NRCAM: variants seen among roughly 807,000 people sequenced by gnomAD.
NRCAM encodes NgCAM-related cell adhesion molecule.
A neutral mutation model predicts 156.5 loss-of-function variants in NRCAM; 83 were observed. The observed-to-expected ratio is 0.53, with a 90% CI of 0.44 to 0.64. The LOEUF is 0.64. Ranked by LOEUF, NRCAM falls within the 30% of genes least tolerant of loss-of-function variation. The pLI, the probability that NRCAM is intolerant of heterozygous loss-of-function variation, is 0.00. For missense variants in NRCAM, 1,417 were observed against 1,597.3 expected, an observed-to-expected ratio of 0.89 and a Z score of 1.92; for synonymous variants, 538 against 563.9, an observed-to-expected ratio of 0.95 and a Z score of 0.65.
chr7:108,222,044 T>G (rs1273028164), intron 11 of NRCAM, among the ~76,000 whole-genome samples: 1 of 151,934 alleles, frequency 6.6e-6, no homozygotes, highest in African/African-American at 2.4e-5. Flanking sequence ...TCTGATGAAA[T>G]AGCTTCTAGA....
chr7:108,287,909 C>T (rs955299882), intron 3 of NRCAM, among the ~76,000 whole-genome samples: 3 of 151,976 alleles, frequency 2.0e-5, no homozygotes, highest in Non-Finnish European at 4.4e-5. Flanking sequence ...CAAAAAGACA[C>T]CTGTACTCAT....
At chr7:108,366,816 C>T (rs1336273571) in intron 2 of NRCAM, among the ~76,000 whole-genome samples, 2 of 152,204 alleles carry the variant, frequency 1.3e-5, no homozygotes, top group African/African-American at 2.4e-5. Context: ...ACTCATTTGA[C>T]TACACCATAC....
chr7:108,229,239 T>C (rs1233921738), intron 8 of NRCAM, among the ~76,000 whole-genome samples: 1 of 152,216 alleles, frequency 6.6e-6, no homozygotes, highest in Non-Finnish European at 1.5e-5. Flanking sequence ...CTAATAATTG[T>C]GTCTTTCAAA....
At chr7:108,324,194 G>T (rs1251731331) in intron 2 of NRCAM, among the ~76,000 whole-genome samples, 1 of 152,118 alleles carries the variant, frequency 6.6e-6, no homozygotes, top group Non-Finnish European at 1.5e-5. Context: ...GGCTGAAGGG[G>T]AGTGAGATTG....
intron 4 of NRCAM, among the ~76,000 whole-genome samples, 169 bp from the exon 5 acceptor site, chr7:108,237,938 A>G (rs1037399337): frequency 1.3e-5 from 2 of 152,228 alleles, no homozygotes; most frequent in African/African-American, 4.8e-5. Flanking sequence ...TTGCAAGACG[A>G]AGAAATTTGC....
At chr7:108,156,452 TATA>T (rs2045543612) in intron 32 of NRCAM, 2 of 982,362 alleles carry the variant, frequency 2.0e-6, no homozygotes, top group South Asian at 9.4e-5. Context: ...CTACTGTCTG[TATA>T]ATTAAAGAAA....
intron 1 of NRCAM, among the ~76,000 whole-genome samples, chr7:108,402,855 A>G (rs541351296): frequency 3.3e-5 from 5 of 152,338 alleles, no homozygotes; most frequent in African/African-American, 1.2e-4. Flanking sequence ...AGACAATAGT[A>G]AGACAAATTG....
At chr7:108,200,676 T>G (rs997207236) in intron 13 of NRCAM, among the ~76,000 whole-genome samples, 2 of 150,476 alleles carry the variant, frequency 1.3e-5, no homozygotes, top group African/African-American at 4.9e-5. Context: ...GCAGCACAAT[T>G]CGCAATTGCA....
chr7:108,256,495 G>A (rs1377321097), intron 3 of NRCAM, among the ~76,000 whole-genome samples: 1 of 136,634 alleles, frequency 7.3e-6, no homozygotes, highest in Non-Finnish European at 1.6e-5. Context: ...GCGGAAGGCC[G>A]CAGGGTCCTC....
At position 108,239,959 on chromosome 7, in the gene NRCAM, G is replaced by C. The variant is rs1248170598; in HGVS notation, c.106C>G (p.Pro36Ala). ...MISALEVPLD[P>A]KLLEDLVQPP... ...ACAGCTTTAAAACGTTAATACTTAC[G>C]ATCAAGAGGTACTTCCAGTGCACTA... The change falls in exon 4 of 33, where the codon CCA (proline) becomes GCA (alanine). Residue 36 changes from proline to alanine, a missense_variant and splice_region_variant. Physicochemically the swap from Pro to Ala is conservative, Grantham distance 27 (BLOSUM62 -1). Around this residue, in one of 2 missense-constraint regions of NRCAM, gnomAD observed 1,238 missense variants for 1,336.4 expected, o/e 0.93. Coordinates refer to ENST00000379028, the MANE Select transcript of NRCAM (RefSeq NM_001037132.4). 6.3e-7 allele frequency: 1 copy of C among 1,599,846 alleles called. No individual in the cohort carries two copies. Among genetic ancestry groups the C allele is most frequent in the Non-Finnish European group, 8.6e-7 (1 of 1,168,494 alleles).
At chr7:108,190,497 A>G (rs1044343688) in intron 19 of NRCAM, among the ~76,000 whole-genome samples, 1 of 152,166 alleles carries the variant, frequency 6.6e-6, no homozygotes, top group South Asian at 2.1e-4. Flanking sequence ...CTTATCAGTC[A>G]TAAAGCAGTA....
At chr7:108,230,568 G>T (rs1053091488) in intron 8 of NRCAM, among the ~76,000 whole-genome samples, 3 of 152,038 alleles carry the variant, frequency 2.0e-5, no homozygotes, top group African/African-American at 7.2e-5. Context: ...TCCTTCATTA[G>T]TTCATTAGTC....
At chr7:108,303,299 C>G (rs970550444) in intron 3 of NRCAM, among the ~76,000 whole-genome samples, 1 of 152,094 alleles carries the variant, frequency 6.6e-6, no homozygotes, top group Non-Finnish European at 1.5e-5. Context: ...GTATCACCAC[C>G]ATCTGTCCAG....
At chr7:108,393,738 A>AT (rs1352345169) in intron 2 of NRCAM, among the ~76,000 whole-genome samples, 1 of 152,050 alleles carries the variant, frequency 6.6e-6, no homozygotes, top group African/African-American at 2.4e-5. Context: ...CCCCCGTTTA[A>AT]TTTTTTATAG....
At position 108,378,676 on chromosome 7, in the gene NRCAM, C is replaced by CACAG. The variant is rs1554580238; in HGVS notation, c.-174+20759_-174+20760insCTGT. Among the ~76,000 whole-genome samples, 200 of 132,590 alleles carry CACAG rather than the reference C, an allele frequency of 1.5e-3. 4 individuals are homozygous for CACAG. Among genetic ancestry groups the CACAG allele is most frequent in the African/African-American group, 5.2e-3 (193 of 36,916 alleles). The allele number at this position is 132,590 out of a possible 152,430, so 87.0% of individuals were successfully genotyped here. On this transcript the variant is annotated intron_variant, in intron 2 of 32. Coordinates refer to ENST00000379028, the MANE Select transcript of NRCAM (RefSeq NM_001037132.4). ...ACACACACACACACACACACACACA[C>CACAG]ACACACACACACAAACTCCAAGACA...
intron 2 of NRCAM, among the ~76,000 whole-genome samples, chr7:108,388,216 A>G (rs1259410746): frequency 6.6e-6 from 1 of 152,068 alleles, no homozygotes; most frequent in African/African-American, 2.4e-5. Flanking sequence ...CCTCTCCAGC[A>G]CCTGTTGTTT....
intron 1 of NRCAM, among the ~76,000 whole-genome samples, chr7:108,425,090 T>A (rs1171717508): frequency 1.3e-5 from 2 of 152,102 alleles, no homozygotes; most frequent in Non-Finnish European, 2.9e-5. Flanking sequence ...TCATGGAAAT[T>A]TTTTGCAAGC....
chr7:108,301,856 CCT>C (rs2098625059), intron 3 of NRCAM, among the ~76,000 whole-genome samples: 1 of 151,600 alleles, frequency 6.6e-6, no homozygotes, highest in East Asian at 1.9e-4. Context: ...ATACGAATTC[CCT>C]CTGAGGCCAA....
chr7:108,271,325 C>T (rs1415367356), intron 3 of NRCAM, among the ~76,000 whole-genome samples: 1 of 152,116 alleles, frequency 6.6e-6, no homozygotes, highest in African/African-American at 2.4e-5. Context: ...TCTGCTAGGA[C>T]ACGATGGATG....
Sources: gnomAD v4.1 joint callset for allele counts (sites outside exome capture counted in the v4.1 genomes callset) on GRCh38, gnomAD v4.1.1 for gene constraint, gnomAD v4.1.1 regional missense constraint, MANE v1.5 for transcripts, NCBI Gene and HGNC (gene_info 2026-07-23, HGNC 2026-07-21) for gene names.